Variants in SLC10A6 observed in about 807,000 individuals in gnomAD.
The protein encoded by SLC10A6 is sodium-dependent organic anion transporter.
Under a neutral mutation model 30.0 loss-of-function variants are expected in SLC10A6, and 27 were observed. That is an observed-to-expected ratio of 0.90 (90% confidence interval 0.66 to 1.24). SLC10A6 has a LOEUF of 1.24. Among genes scored for constraint, SLC10A6 ranks in the 50% most tolerant of loss-of-function variants. The pLI, the probability that SLC10A6 is intolerant of heterozygous loss-of-function variation, is 0.00. For missense variants in SLC10A6, 439 were observed against 457.0 expected (o/e 0.96, Z 0.36); for synonymous variants, 166 against 173.8 (o/e 0.95, Z 0.36).
In SLC10A6 at chr4:86,845,952, C is replaced by T. The variant is rs61214902; in HGVS notation, c.377+2787G>A. Among the ~76,000 whole-genome samples the T allele has an allele frequency of 9.7e-3, 1,476 of 152,288 alleles. 32 individuals are homozygous for T. The highest frequency in any genetic ancestry group is 0.034 in the African/African-American group (1,398 of 41,556). On this transcript the variant is annotated intron_variant, in intron 1 of 5. Coordinates refer to ENST00000273905, the MANE Select transcript of SLC10A6 (RefSeq NM_197965.3). ...CACATGGAGAACTGCAAGTGCACTG[C>T]ATGAAGCAGGAGTGAAGGCATGAGA...
At chr4:86,839,576 C>G (rs1333340870) in intron 1 of SLC10A6, among the ~76,000 whole-genome samples, 1 of 152,156 alleles carries the variant, frequency 6.6e-6, no homozygotes, top group East Asian at 1.9e-4. Context: ...TAAAGAACTG[C>G]GAAATATGCC....
intron 1 of SLC10A6, among the ~76,000 whole-genome samples, chr4:86,846,945 T>C (rs533355294): frequency 1.3e-5 from 2 of 152,300 alleles, no homozygotes; most frequent in South Asian, 4.1e-4. Flanking sequence ...GGTTTCCTGT[T>C]CATTGGTGTT....
At chr4:86,831,735 T>C in intron 3 of SLC10A6, 57 bp downstream of exon 3, 1 of 1,431,150 alleles carries the variant, frequency 7.0e-7, no homozygotes. Flanking sequence ...TGCTCACTTC[T>C]GTCTTTCAGG....
At chr4:86,835,805 A>G (rs1483456483) in intron 1 of SLC10A6, among the ~76,000 whole-genome samples, 1 of 152,168 alleles carries the variant, frequency 6.6e-6, no homozygotes, top group African/African-American at 2.4e-5. Flanking sequence ...TTGAGATTGA[A>G]GTAGAGTGAT....
intron 2 of SLC10A6, among the ~76,000 whole-genome samples, chr4:86,832,642 C>G (rs1238002781): frequency 1.3e-5 from 2 of 151,378 alleles, no homozygotes; most frequent in African/African-American, 4.9e-5. Flanking sequence ...AAAAACTGAC[C>G]ACACTAGAAA....
intron 1 of SLC10A6, among the ~76,000 whole-genome samples, chr4:86,836,212 A>T (rs991710564): frequency 6.6e-6 from 1 of 152,202 alleles, no homozygotes; most frequent in African/African-American, 2.4e-5. Context: ...ATTGTTTCTA[A>T]GTCAAAAGGC....
intron 1 of SLC10A6, among the ~76,000 whole-genome samples, chr4:86,834,351 A>G (rs1229807725): frequency 6.6e-6 from 1 of 152,154 alleles, no homozygotes; most frequent in Admixed American, 6.6e-5. Context: ...CCTCGAGCCA[A>G]ATAAACCTGT....
intron 1 of SLC10A6, among the ~76,000 whole-genome samples, chr4:86,844,272 A>G (rs1206768491): frequency 6.6e-6 from 1 of 152,226 alleles, no homozygotes; most frequent in African/African-American, 2.4e-5. Context: ...TCAGTAAGTG[A>G]TGGGTCTGCT....
intron 1 of SLC10A6, 31 bp from the exon 2 acceptor site, chr4:86,833,455 G>A (rs781103922): frequency 3.3e-6 from 5 of 1,505,328 alleles, no homozygotes; most frequent in East Asian, 4.5e-5. Context: ...ATGCTTAGGA[G>A]GGAGCATTGG....
intron 1 of SLC10A6, among the ~76,000 whole-genome samples, chr4:86,837,290 AAAG>A (rs1746211547): frequency 1.6e-5 from 1 of 62,736 alleles, no homozygotes; most frequent in African/African-American, 5.5e-5. Flanking sequence ...AAAGAAAAAG[AAAG>A]GAAGGAAGGA....
At chr4:86,845,746 A>AAGGGCTAC (rs1317685671) in intron 1 of SLC10A6, among the ~76,000 whole-genome samples, 1 of 152,296 alleles carries the variant, frequency 6.6e-6, no homozygotes, top group African/African-American at 2.4e-5. Flanking sequence ...CAGCAAGAGG[A>AAGGGCTAC]AGGGCTACAG....
intron 1 of SLC10A6, among the ~76,000 whole-genome samples, chr4:86,846,458 G>A (rs1279643967): frequency 3.9e-5 from 6 of 152,060 alleles, no homozygotes; most frequent in South Asian, 2.1e-4. Flanking sequence ...CGTGGCTCAC[G>A]CCTGTAATCC....
chr4:86,848,259 T>A (rs1223485571), intron 1 of SLC10A6, among the ~76,000 whole-genome samples: 2 of 152,204 alleles, frequency 1.3e-5, no homozygotes, highest in African/African-American at 4.8e-5. Context: ...AGCTCCTTTA[T>A]CCAGTCCTCT....
At chr4:86,839,365 G>A (rs1746253202) in intron 1 of SLC10A6, among the ~76,000 whole-genome samples, 1 of 151,908 alleles carries the variant, frequency 6.6e-6, no homozygotes, top group South Asian at 2.1e-4. Context: ...GCAGGAGGAT[G>A]GCTTGAGCTC....
At chr4:86,848,686 T>C in intron 1 of SLC10A6, 53 bp downstream of exon 1, 1 of 1,508,546 alleles carries the variant, frequency 6.6e-7, no homozygotes, top group Non-Finnish European at 8.9e-7. Flanking sequence ...TTTCAGTTAT[T>C]CCCCCTAGGC....
At chr4:86,828,800 CCAA>C (rs1746037102) in intron 3 of SLC10A6, among the ~76,000 whole-genome samples, 1 of 152,052 alleles carries the variant, frequency 6.6e-6, no homozygotes. Context: ...GAAACAAAAG[CCAA>C]CAATAACAAA....
At chr4:86,837,361 G>T (rs1746220474) in intron 1 of SLC10A6, among the ~76,000 whole-genome samples, 2 of 149,464 alleles carry the variant, frequency 1.3e-5, no homozygotes, top group South Asian at 4.2e-4. Context: ...CAGGCAGGCT[G>T]GGATTTGAGA....
At chr4:86,834,194 AGTT>A (rs1746141955) in intron 1 of SLC10A6, among the ~76,000 whole-genome samples, 1 of 152,018 alleles carries the variant, frequency 6.6e-6, no homozygotes, top group Non-Finnish European at 1.5e-5. Flanking sequence ...TATGAGCTCT[AGTT>A]GTTAAAAAGA....
In SLC10A6 at chr4:86,849,173, G is replaced by A; in HGVS notation, c.-58C>T. The stretch of plus-strand genomic sequence containing the variant: ...AACATCGGCAACAATGGCTGGGCAG[G>A]TCTATCCTGCCACATTTTGTAATAG... On this transcript the variant is annotated 5_prime_UTR_variant, in exon 1 of 6. Transcript: ENST00000273905. 1.9e-6 allele frequency: 3 copies of A among 1,543,424 alleles called. No homozygotes were observed. Among genetic ancestry groups the A allele is most frequent in the Non-Finnish European group, 2.6e-6 (3 of 1,146,972 alleles).
Sources: allele counts gnomAD v4.1 joint callset (sites outside exome capture counted in the v4.1 genomes callset), GRCh38; gene constraint gnomAD v4.1.1; transcripts MANE v1.5; gene names NCBI Gene and HGNC (gene_info 2026-07-23, HGNC 2026-07-21).